Variants in NSRP1 observed in about 807,000 individuals in gnomAD.
The protein encoded by NSRP1 is coiled-coil domain containing 55.
Under a neutral mutation model 54.7 loss-of-function variants are expected in NSRP1, and 24 were observed. That is an observed-to-expected ratio of 0.44 (90% CI 0.32 to 0.62). The LOEUF is 0.62. Among genes scored for constraint, NSRP1 ranks in the 20% least tolerant of loss-of-function variants. The probability of loss-of-function intolerance (pLI) is 0.06; values close to 1 mark genes in which losing one functional copy is unlikely to be tolerated. For missense variants in NSRP1, 596 were observed against 651.2 expected (o/e 0.92, Z 0.92); for synonymous variants, 210 against 213.8 (o/e 0.98, Z 0.15).
At chr17:30,147,696 G>A (rs1472404208) in intron 2 of NSRP1, among the ~76,000 whole-genome samples, 1 of 150,492 alleles carries the variant, frequency 6.6e-6, no homozygotes, top group Non-Finnish European at 1.5e-5. Context: ...ATCTCCTGAT[G>A]TCGTGATCTG....
At chr17:30,177,575 A>G (rs568484592) in intron 3 of NSRP1, among the ~76,000 whole-genome samples, 1 of 152,312 alleles carries the variant, frequency 6.6e-6, no homozygotes, top group African/African-American at 2.4e-5. Context: ...TGATAAAGGC[A>G]GAGACTTTAT....
chr17:30,163,497 TTTA>T (rs1318990753), intron 2 of NSRP1, among the ~76,000 whole-genome samples: 3 of 152,138 alleles, frequency 2.0e-5, no homozygotes, highest in African/African-American at 4.8e-5. Flanking sequence ...GTAAAGATTT[TTTA>T]TTTTTTTGTA....
At chr17:30,120,784 AAT>A (rs1023833205) in intron 2 of NSRP1, among the ~76,000 whole-genome samples, 55 of 152,018 alleles carry the variant, frequency 3.6e-4, no homozygotes, top group African/African-American at 1.3e-3. Flanking sequence ...GTGGCTGATA[AAT>A]AAGTGTCAAG....
At position 30,185,062 on chromosome 17, in the gene NSRP1, T is replaced by C. The variant is rs781669705; in HGVS notation, c.1065T>C (p.His355=). 3 of 1,613,972 alleles carry C rather than the reference T, an allele frequency of 1.9e-6. No individual in the cohort carries two copies. Among genetic ancestry groups the C allele is most frequent in the South Asian group, 2.2e-5 (2 of 91,064 alleles). The stretch of plus-strand genomic sequence containing the variant: ...GAGAGGCCAGTCATAGAGATTCCCA[T>C]TGGAAGAGGCATGAACAGGAAGATA... ...RHREASHRDS[H]WKRHEQEDKP... The change falls in exon 7 of 7, where the codon CAT becomes CAC. Residue 355 remains histidine (H), a synonymous_variant. Transcript: ENST00000247026.
intron 2 of NSRP1, among the ~76,000 whole-genome samples, chr17:30,155,501 T>C (rs941082525): frequency 2.0e-5 from 3 of 152,192 alleles, no homozygotes; most frequent in African/African-American, 7.2e-5. Flanking sequence ...TTCCTCTGGG[T>C]CTTCTGTTAC....
chr17:30,178,475 A>G (rs1391751304), intron 4 of NSRP1, among the ~76,000 whole-genome samples: 1 of 152,130 alleles, frequency 6.6e-6, no homozygotes, highest in East Asian at 1.9e-4. Context: ...AATGTACCAA[A>G]TTTGTACTGT....
chr17:30,122,357 A>ATATATATATG (rs1237897910), intron 2 of NSRP1: 12 of 14,050 alleles, frequency 8.5e-4, no homozygotes, highest in Admixed American at 2.5e-3. Context: ...GGTTTCATAT[A>ATATATATATG]TATATATATA....
intron 6 of NSRP1, among the ~76,000 whole-genome samples, chr17:30,184,337 T>C (rs1905426455): frequency 6.6e-6 from 1 of 152,232 alleles, no homozygotes. Flanking sequence ...TGAAGACCTG[T>C]ACAGACCCTT....
At position 30,185,310 on chromosome 17, in the gene NSRP1, A is replaced by G; in HGVS notation, c.1313A>G (p.Glu438Gly). ...AATAATGATAAATACAGAGATAGAG[A>G]AAAACGAGAGGTAGGTGTTCAGTCT... Reference protein sequence around the residue: ...YENNDKYRDREKREVGVQSSE... With the variant: ...YENNDKYRDRGKREVGVQSSE... The change falls in exon 7 of 7, where the codon GAA (glutamate) becomes GGA (glycine). Residue 438 changes from glutamate (E) to glycine (G), a missense_variant. Glu to Gly is a moderately conservative substitution (Grantham distance 98). Coordinates refer to ENST00000247026, the MANE Select transcript of NSRP1 (RefSeq NM_032141.4). 1.2e-6 allele frequency: 2 copies of G among 1,605,318 alleles called. No homozygotes were observed. Among genetic ancestry groups the G allele is most frequent in the Non-Finnish European group, 1.7e-6 (2 of 1,177,816 alleles).
At chr17:30,117,254 C>T (rs1027770556) in intron 1 of NSRP1, 17 of 600,664 alleles carry the variant, frequency 2.8e-5, no homozygotes, top group Admixed American at 3.1e-5. Context: ...CCTTGTTCTC[C>T]TTGGCAGAAG....
chr17:30,173,163 C>T (rs1285131731), intron 3 of NSRP1, among the ~76,000 whole-genome samples: 2 of 152,116 alleles, frequency 1.3e-5, no homozygotes, highest in Admixed American at 6.5e-5. Flanking sequence ...GGGGTTTCAC[C>T]GTGTTGGTCA....
chr17:30,171,976 C>CCTCTCTCTCTCTCTCTCTCTCTCT (rs58666089), intron 2 of NSRP1, among the ~76,000 whole-genome samples: 1 of 80,350 alleles, frequency 1.2e-5, no homozygotes, highest in African/African-American at 4.1e-5. Flanking sequence ...ACACACACTC[C>CCTCTCTCTCTCTCTCTCTCTCTCT]CTCTCTCTCT....
chr17:30,162,298 G>A (rs1904548643), intron 2 of NSRP1, among the ~76,000 whole-genome samples: 1 of 152,172 alleles, frequency 6.6e-6, no homozygotes, highest in African/African-American at 2.4e-5. Flanking sequence ...CCAAAGTGCT[G>A]GGATTACAGG....
At position 30,172,642 on chromosome 17, in the gene NSRP1, G is replaced by A. The variant is rs570400990; in HGVS notation, c.171+44G>A. 14 of 1,513,990 alleles carry A rather than the reference G, an allele frequency of 9.2e-6. No individual in the cohort carries two copies. The African/African-American group carries it at 1.1e-4, about 12-fold the overall frequency. 93.8% of individuals were successfully genotyped at this position (1,513,990 alleles called of 1,614,324 possible). Reference sequence around the variant, plus strand: ...ATAAGTGCATTCAGTGAAGCATTCCGGCTCATTTTTAAGCATCAGTTTTGG... The same window carrying A: ...ATAAGTGCATTCAGTGAAGCATTCCAGCTCATTTTTAAGCATCAGTTTTGG... On this transcript the variant is annotated intron_variant, in intron 3 of 6. Transcript: ENST00000247026.
At chr17:30,160,281 AT>A (rs1198272863) in intron 2 of NSRP1, among the ~76,000 whole-genome samples, 2 of 151,966 alleles carry the variant, frequency 1.3e-5, no homozygotes, top group Admixed American at 6.5e-5. Flanking sequence ...TTGTTTTTTA[AT>A]GTTGTGCCTT....
At chr17:30,158,286 C>A (rs1454088948) in intron 2 of NSRP1, among the ~76,000 whole-genome samples, 2 of 146,810 alleles carry the variant, frequency 1.4e-5, no homozygotes, top group Admixed American at 6.9e-5. Context: ...TATTTCATGT[C>A]CTTCACCCAC....
At position 30,185,685 on chromosome 17, in the gene NSRP1, A is replaced by G. The variant is rs1422918595; in HGVS notation, c.*11A>G. The G allele has an allele frequency of 6.5e-7, 1 of 1,536,058 alleles. No individual in the cohort carries two copies. Among genetic ancestry groups the G allele is most frequent in the Non-Finnish European group, 8.7e-7 (1 of 1,147,534 alleles). ...AAAGAAGATGATTGATGGCTACCCC[A>G]AGAGAAAGATTTAAGGAAGCACAGA... On this transcript the variant is annotated 3_prime_UTR_variant, in exon 7 of 7. Coordinates refer to ENST00000247026, the MANE Select transcript of NSRP1 (RefSeq NM_032141.4).
chr17:30,138,127 C>T (rs991189930), intron 2 of NSRP1, among the ~76,000 whole-genome samples: 2 of 152,064 alleles, frequency 1.3e-5, no homozygotes, highest in South Asian at 2.1e-4. Flanking sequence ...CTTTTTGTGA[C>T]GGGGTTATTT....
At chr17:30,149,085 T>C (rs1422600302) in intron 2 of NSRP1, among the ~76,000 whole-genome samples, 1 of 152,212 alleles carries the variant, frequency 6.6e-6, no homozygotes, top group Non-Finnish European at 1.5e-5. Context: ...GTGTTATACA[T>C]TTATAAATAT....
Sources: gnomAD v4.1 joint callset for allele counts (sites outside exome capture counted in the v4.1 genomes callset) on GRCh38, gnomAD v4.1.1 for gene constraint, MANE v1.5 for transcripts, NCBI Gene and HGNC (gene_info 2026-07-23, HGNC 2026-07-21) for gene names.